Variants in BRD9 observed in about 807,000 individuals in gnomAD.
BRD9 encodes the protein bromodomain containing 9.
A neutral mutation model predicts 68.7 loss-of-function variants in BRD9; 47 were observed. That is an observed-to-expected ratio of 0.68 (90% CI 0.54 to 0.87). The LOEUF is 0.87. BRD9 is among the 40% of genes least tolerant of loss of function. The probability of loss-of-function intolerance (pLI) is 0.00; values close to 1 mark genes in which losing one functional copy is unlikely to be tolerated. For synonymous variants in BRD9, 313 were observed against 293.9 expected (o/e 1.06, Z -0.67); for missense variants, 670 against 748.4 (o/e 0.90, Z 1.22).
chr5:878,760 T>G, intron 10 of BRD9: 1 of 479,558 alleles, frequency 2.1e-6, no homozygotes, highest in Non-Finnish European at 3.8e-6. Flanking sequence ...AAAAGAGCTG[T>G]GTGGAAACGT....
Position 870,496 on chromosome 5 carries a change from T to C in BRD9, c.1502A>G (p.Asp501Gly). Residue 501 changes from aspartate to glycine, a missense_variant, in exon 14 of 16, where the codon GAT becomes GGT. By Grantham distance (94) the Asp-to-Gly change is moderately conservative. Transcript: ENST00000467963. Reference protein sequence around the residue: ...SMKSYPDVSVDISMLSSLGKV... With the variant: ...SMKSYPDVSVGISMLSSLGKV... ...ACCCAGAGAGCTGAGCATGGAGATA[T>C]CCACAGAAACGTCGGGATAGGACTT... 1 of 1,614,028 alleles carries C rather than the reference T, an allele frequency of 6.2e-7. No homozygotes were observed. The highest frequency in any genetic ancestry group is 8.5e-7 in the Non-Finnish European group (1 of 1,179,934).
At position 864,398 on chromosome 5, in the gene BRD9, A is replaced by G; in HGVS notation, c.*70T>C. On this transcript the variant is annotated 3_prime_UTR_variant, in exon 16 of 16. Coordinates refer to ENST00000467963, the MANE Select transcript of BRD9 (RefSeq NM_023924.5). ...GGGACAGGATCAAAGTCCTTGTCTG[A>G]TGACAAAAACTCTACACGTGCAAAA... 1 of 1,328,518 alleles carries G rather than the reference A, an allele frequency of 7.5e-7. No individual in the cohort carries two copies. Among genetic ancestry groups the G allele is most frequent in the Admixed American group, 2.3e-5 (1 of 44,022 alleles). 82.3% of individuals were successfully genotyped at this position (1,328,518 alleles called of 1,614,324 possible).
At chr5:865,038 G>C (rs938450749) in intron 15 of BRD9, among the ~76,000 whole-genome samples, 3 of 152,192 alleles carry the variant, frequency 2.0e-5, no homozygotes, top group Admixed American at 2.0e-4. Flanking sequence ...GAGTGATCCA[G>C]TGTTTACAAG....
intron 10 of BRD9, 92 bp from the exon 11 acceptor site, chr5:878,579 T>A (rs1430714004): frequency 7.0e-6 from 11 of 1,565,440 alleles, no homozygotes; most frequent in Non-Finnish European, 8.7e-6. Flanking sequence ...AGGGACCGCC[T>A]GGCTGGCAGC....
intron 14 of BRD9, among the ~76,000 whole-genome samples, chr5:866,724 C>T (rs1229588575): frequency 1.3e-5 from 2 of 152,170 alleles, no homozygotes; most frequent in Non-Finnish European, 2.9e-5. Flanking sequence ...TGATTTAGGG[C>T]ACCTGGTGGA....
chr5:887,594 GCT>G (rs1752753604), intron 5 of BRD9, 123 bp from the exon 6 acceptor site: 2 of 758,560 alleles, frequency 2.6e-6, no homozygotes, highest in Non-Finnish European at 4.5e-6. Flanking sequence ...ATTCAACTGG[GCT>G]CTCTGATCTA....
At position 891,249 on chromosome 5, in the gene BRD9, G is replaced by C. The variant is rs761850859; in HGVS notation, c.306C>G (p.Asp102Glu). ...KKRKREREHC[D>E]TEGEADDFDP... The stretch of plus-strand genomic sequence containing the variant: ...CAAAGTCGTCAGCCTCTCCCTCCGT[G>C]TCACAGTGCTCCCTCTCTCGCTTCC... The change falls in exon 3 of 16, where the codon GAC becomes GAG. Residue 102 changes from aspartate (D) to glutamate (E), a missense_variant. By Grantham distance (45) the Asp-to-Glu change is conservative. Coordinates refer to ENST00000467963, the MANE Select transcript of BRD9 (RefSeq NM_023924.5). 3.9e-6 allele frequency: 6 copies of C among 1,551,812 alleles called. No homozygotes were observed. In the South Asian group the frequency reaches 5.9e-5, roughly 15 times the overall value.
intron 12 of BRD9, among the ~76,000 whole-genome samples, chr5:874,864 GCA>G (rs1265833880): frequency 1.3e-5 from 2 of 152,242 alleles, no homozygotes; most frequent in Admixed American, 1.3e-4. Context: ...TGGTGCGGCA[GCA>G]CAGTGTCGGT....
intron 14 of BRD9, among the ~76,000 whole-genome samples, chr5:866,983 G>T (rs979936472): frequency 1.3e-5 from 2 of 152,152 alleles, no homozygotes; most frequent in African/African-American, 4.8e-5. Flanking sequence ...AATACCTCAG[G>T]GACATTTCAA....
chr5:874,645 A>G lies in BRD9; in HGVS notation c.1383+1456T>C, dbSNP rs140151855. 2.4e-3 allele frequency among the ~76,000 whole-genome samples: 365 copies of G among 152,380 alleles called. 3 individuals are homozygous for G. Among genetic ancestry groups the G allele is most frequent in the Admixed American group, 0.017 (255 of 15,306 alleles). On this transcript the variant is annotated intron_variant, in intron 12 of 15. Transcript: ENST00000467963. ...GACTGAGGACTTCAAAAGCAGCAGCAATAAATACGAACGTGGCTCAAGGAT... is the reference window on the plus strand; with the variant it reads ...GACTGAGGACTTCAAAAGCAGCAGCGATAAATACGAACGTGGCTCAAGGAT...
chr5:882,689 AC>A (rs1359634213), intron 8 of BRD9: 7 of 171,094 alleles, frequency 4.1e-5, no homozygotes, highest in South Asian at 2.3e-4. Context: ...AGCCACACAA[AC>A]CCACAACCTC....
Position 887,411 on chromosome 5 carries a change from AG to A in BRD9, c.666del (p.Tyr223ThrfsTer14). 1.2e-6 allele frequency: 2 copies of A among 1,614,180 alleles called. No individual in the cohort carries two copies. Among genetic ancestry groups the A allele is most frequent in the Non-Finnish European group, 1.7e-6 (2 of 1,180,012 alleles). The stretch of plus-strand genomic sequence containing the variant: ...TGAAGGATCTTCTTCGCCAACTTGT[AG>A]TACACGGTATCTGGCCTATTGTATG... ...AMTYNRPDTV[Y>X]YKLAKKILHA... On this transcript the variant is annotated frameshift_variant, in exon 6 of 16. Transcript: ENST00000467963. LOFTEE classifies it high-confidence loss of function.
At chr5:885,160 G>A (rs970014532) in intron 7 of BRD9, among the ~76,000 whole-genome samples, 3 of 152,262 alleles carry the variant, frequency 2.0e-5, no homozygotes, top group African/African-American at 7.2e-5. Flanking sequence ...CAGCACACTC[G>A]AGTCGGGGGC....
At chr5:886,555 A>G (rs756346286) in intron 7 of BRD9, 37 bp downstream of exon 7, 1 of 1,585,128 alleles carries the variant, frequency 6.3e-7, no homozygotes, top group Non-Finnish European at 8.6e-7. Flanking sequence ...ATGGTGCTCA[A>G]CTCCAAAAGC....
chr5:864,568 C>T lies in BRD9; in HGVS notation c.1694G>A (p.Gly565Glu). 1.2e-6 allele frequency: 2 copies of T among 1,613,434 alleles called. No homozygotes were observed. The highest frequency in any genetic ancestry group is 1.7e-6 in the Non-Finnish European group (2 of 1,179,614). Residue 565 changes from glycine (G) to glutamate (E), a missense_variant and splice_region_variant, in exon 16 of 16, where the codon GGA becomes GAA. Gly to Glu is a moderately conservative substitution (Grantham distance 98, BLOSUM62 -2). Transcript: ENST00000467963. The stretch of plus-strand genomic sequence containing the variant: ...CCCGACACTCAGGCGAGAAGGGCTT[C>T]CTGCAATTTTCAGAACACAGGACTT... ...NASERDQHHL[G>E]SPSRLSVGEQ... is the part of the protein sequence containing the mutation.
At chr5:889,313 T>C (rs1255460894) in intron 4 of BRD9, 148 bp from the exon 5 acceptor site, 16 of 967,232 alleles carry the variant, frequency 1.7e-5, no homozygotes, top group African/African-American at 6.7e-5. Context: ...TTGTGATAGG[T>C]ATTTCAGATA....
intron 10 of BRD9, 40 bp downstream of exon 10, chr5:879,754 C>CCTGCTT (rs1751464163): frequency 1.7e-6 from 1 of 579,798 alleles, no homozygotes; most frequent in Non-Finnish European, 3.1e-6. Flanking sequence ...TGCCACCTTC[C>CCTGCTT]CTGCTCCGGC....
intron 3 of BRD9, among the ~76,000 whole-genome samples, 169 bp downstream of exon 3, chr5:890,986 G>C (rs1326455093): frequency 6.6e-6 from 1 of 152,194 alleles, no homozygotes; most frequent in Admixed American, 6.5e-5. Flanking sequence ...TAGACATTCA[G>C]AGACACCGGA....
intron 14 of BRD9, among the ~76,000 whole-genome samples, chr5:867,105 T>A (rs911076224): frequency 2.0e-5 from 3 of 152,172 alleles, no homozygotes; most frequent in Non-Finnish European, 4.4e-5. Flanking sequence ...GTCCCAGCCA[T>A]GGCTAAAAGG....
Sources: allele counts gnomAD v4.1 joint callset (sites outside exome capture counted in the v4.1 genomes callset), GRCh38; gene constraint gnomAD v4.1.1; transcripts MANE v1.5; gene names NCBI Gene and HGNC (gene_info 2026-07-23, HGNC 2026-07-21).